Variants in GALNTL6 observed in about 807,000 individuals in gnomAD.
GALNTL6 encodes polypeptide N-acetylgalactosaminyltransferase-like 6.
GALNTL6 carries 46 observed loss-of-function variants against 73.7 expected under a neutral mutation model. That is an observed-to-expected ratio of 0.62 (90% CI 0.49 to 0.80). The LOEUF is 0.80. GALNTL6 is among the 30% of genes least tolerant of loss of function. The pLI is 0.00. For missense variants in GALNTL6, 604 were observed against 755.0 expected, an observed-to-expected ratio of 0.80 and a Z score of 2.34; for synonymous variants, 259 against 263.7, an observed-to-expected ratio of 0.98 and a Z score of 0.17.
chr4:171,992,512 C>G (rs758892948), intron 2 of GALNTL6, among the ~76,000 whole-genome samples: 11 of 151,878 alleles, frequency 7.2e-5, no homozygotes, highest in Non-Finnish European at 1.6e-4. Context: ...TTACACTGCC[C>G]CACTCAGATC....
intron 9 of GALNTL6, among the ~76,000 whole-genome samples, chr4:172,945,058 CAA>C (rs200461415): frequency 1.3e-4 from 10 of 76,872 alleles, no homozygotes; most frequent in Admixed American, 4.4e-4. Flanking sequence ...AATTCCATCT[CAA>C]AAAAAAAAAA....
chr4:171,981,259 G>C (rs1739889281), intron 2 of GALNTL6, among the ~76,000 whole-genome samples: 2 of 152,210 alleles, frequency 1.3e-5, no homozygotes, highest in Non-Finnish European at 2.9e-5. Flanking sequence ...ATTCTTTTGA[G>C]TCTTTGATCA....
intron 2 of GALNTL6, among the ~76,000 whole-genome samples, chr4:171,990,978 A>G (rs1342778043): frequency 1.3e-5 from 2 of 152,322 alleles, no homozygotes; most frequent in Admixed American, 1.3e-4. Context: ...GGAAAAAAGC[A>G]TCAGAATTTT....
At chr4:172,535,569 C>A (rs2110858624) in intron 5 of GALNTL6, among the ~76,000 whole-genome samples, 1 of 152,258 alleles carries the variant, frequency 6.6e-6, no homozygotes, top group East Asian at 1.9e-4. Flanking sequence ...TGCCTTTGAA[C>A]AATAACCACA....
At chr4:172,658,890 A>G (rs567909402) in intron 5 of GALNTL6, among the ~76,000 whole-genome samples, 46 of 152,274 alleles carry the variant, frequency 3.0e-4, no homozygotes, top group Admixed American at 7.2e-4. Flanking sequence ...AGTCATTTCA[A>G]TTCTCTCTAC....
At chr4:172,768,718 G>A (rs1020181391) in intron 5 of GALNTL6, among the ~76,000 whole-genome samples, 2 of 152,144 alleles carry the variant, frequency 1.3e-5, no homozygotes, top group African/African-American at 4.8e-5. Context: ...GTATGTTACT[G>A]AGGTCTTAGG....
intron 5 of GALNTL6, among the ~76,000 whole-genome samples, chr4:172,487,933 G>A (rs1733757391): frequency 6.6e-6 from 1 of 152,168 alleles, no homozygotes; most frequent in African/African-American, 2.4e-5. Flanking sequence ...AAATGCAGCA[G>A]AGAATAGAGC....
chr4:172,187,815 T>TTCTCCA, intron 2 of GALNTL6, among the ~76,000 whole-genome samples: 1 of 152,202 alleles, frequency 6.6e-6, no homozygotes, highest in Non-Finnish European at 1.5e-5. Flanking sequence ...CACTTCCAAG[T>TTCTCCA]ACTCTTCTGA....
intron 5 of GALNTL6, among the ~76,000 whole-genome samples, chr4:172,367,676 G>C (rs1281948150): frequency 6.6e-6 from 1 of 152,160 alleles, no homozygotes; most frequent in Admixed American, 6.5e-5. Context: ...AGAAATTAGG[G>C]TAGGAATTGT....
chr4:172,562,416 C>T (rs1256322335), intron 5 of GALNTL6, among the ~76,000 whole-genome samples: 2 of 152,218 alleles, frequency 1.3e-5, no homozygotes, highest in African/African-American at 2.4e-5. Flanking sequence ...TCACGGGCCC[C>T]ATTCTGGCCC....
intron 5 of GALNTL6, among the ~76,000 whole-genome samples, chr4:172,491,501 G>T (rs1234753443): frequency 6.6e-6 from 1 of 152,072 alleles, no homozygotes; most frequent in African/African-American, 2.4e-5. Context: ...TTGACAATTT[G>T]AGTAATAAAA....
chr4:172,305,421 T>C (rs1485726596), intron 3 of GALNTL6, among the ~76,000 whole-genome samples: 1 of 152,154 alleles, frequency 6.6e-6, no homozygotes, highest in African/African-American at 2.4e-5. Context: ...AATTTGAACA[T>C]AGCAGATGGT....
At chr4:172,951,562 C>G (rs1199225985) in intron 9 of GALNTL6, among the ~76,000 whole-genome samples, 1 of 152,180 alleles carries the variant, frequency 6.6e-6, no homozygotes, top group Non-Finnish European at 1.5e-5. Context: ...TACAAATGCT[C>G]GGTGATCTCT....
At chr4:173,031,423 ATCT>A (rs1753454505) in intron 12 of GALNTL6, among the ~76,000 whole-genome samples, 1 of 152,228 alleles carries the variant, frequency 6.6e-6, no homozygotes, top group Non-Finnish European at 1.5e-5. Flanking sequence ...TTATAGCTAA[ATCT>A]TAGAATATCA....
intron 5 of GALNTL6, among the ~76,000 whole-genome samples, chr4:172,597,141 T>C (rs1455132): frequency 0.53 from 79,832 of 151,994 alleles, 21,765 homozygotes; most frequent in East Asian, 0.77. Context: ...TTAATGTCCT[T>C]AAATATTGCC....
chr4:173,003,629 G>T (rs1579768315), intron 10 of GALNTL6, among the ~76,000 whole-genome samples: 2 of 152,274 alleles, frequency 1.3e-5, no homozygotes, highest in East Asian at 1.9e-4. Flanking sequence ...GCCCTCTGAG[G>T]CATGATCGTC....
At chr4:172,237,948 G>T (rs1009544199) in intron 3 of GALNTL6, among the ~76,000 whole-genome samples, 1 of 152,020 alleles carries the variant, frequency 6.6e-6, no homozygotes, top group Non-Finnish European at 1.5e-5. Context: ...TGGTCTATGT[G>T]TCTATTTTGT....
At chr4:172,218,077 C>G (rs1346582105) in intron 2 of GALNTL6, among the ~76,000 whole-genome samples, 1 of 151,972 alleles carries the variant, frequency 6.6e-6, no homozygotes, top group African/African-American at 2.4e-5. Context: ...GGGAGGGGAG[C>G]ATTATATAAT....
chr4:172,172,338 C>T (rs1250598736), intron 2 of GALNTL6, among the ~76,000 whole-genome samples: 1 of 152,114 alleles, frequency 6.6e-6, no homozygotes, highest in Non-Finnish European at 1.5e-5. Context: ...GCTGGGACTA[C>T]AGGCACTCGC....
Sources: gnomAD v4.1 joint callset for allele counts (sites outside exome capture counted in the v4.1 genomes callset) on GRCh38, gnomAD v4.1.1 for gene constraint, MANE v1.5 for transcripts, NCBI Gene and HGNC (gene_info 2026-07-23, HGNC 2026-07-21) for gene names.